Variants in CADM2 observed in about 807,000 individuals in gnomAD.
The protein encoded by CADM2 is immunoglobulin superfamily member 4D.
In CADM2, 12 loss-of-function variants were observed where a neutral mutation model predicts 49.8. The ratio of observed to expected loss-of-function variants is 0.24; its 90% confidence interval spans 0.15 to 0.39. CADM2 has a LOEUF of 0.39. Ranked by LOEUF, CADM2 falls within the 10% of genes least tolerant of loss-of-function variation. The pLI is 1.00. For synonymous variants in CADM2, 214 were observed against 175.4 expected (o/e 1.22, Z -1.74); for missense variants, 378 against 492.3 (o/e 0.77, Z 2.20).
intron 1 of CADM2, among the ~76,000 whole-genome samples, chr3:85,184,444 C>A (rs767087392): frequency 3.9e-5 from 6 of 151,984 alleles, no homozygotes; most frequent in Admixed American, 6.6e-5. Context: ...TGAAAATATG[C>A]AACTTTAAAA....
intron 1 of CADM2, among the ~76,000 whole-genome samples, chr3:85,601,973 G>A (rs2063419961): frequency 6.6e-6 from 1 of 151,714 alleles, no homozygotes; most frequent in Non-Finnish European, 1.5e-5. Context: ...GAAATTCAAA[G>A]CAAATCAAAT....
chr3:85,003,490 G>A (rs1266179011), intron 1 of CADM2, among the ~76,000 whole-genome samples: 1 of 152,026 alleles, frequency 6.6e-6, no homozygotes, highest in East Asian at 1.9e-4. Context: ...TGAAAGATAG[G>A]GATCAAACAG....
chr3:85,501,417 C>G (rs1486903281), intron 1 of CADM2, among the ~76,000 whole-genome samples: 1 of 152,124 alleles, frequency 6.6e-6, no homozygotes, highest in East Asian at 1.9e-4. Flanking sequence ...GGAAAAATAA[C>G]ATTTTTCACA....
intron 2 of CADM2, among the ~76,000 whole-genome samples, chr3:85,788,385 C>G (rs1340224493): frequency 6.6e-6 from 1 of 152,016 alleles, no homozygotes; most frequent in Non-Finnish European, 1.5e-5. Flanking sequence ...TTTGAAATTT[C>G]TTATTACATT....
At chr3:85,321,116 ATTTTTTTTTTTTTTTT>A (rs1157576505) in intron 1 of CADM2, among the ~76,000 whole-genome samples, 22 of 27,470 alleles carry the variant, frequency 8.0e-4, no homozygotes, top group Admixed American at 1.2e-3. Flanking sequence ...ATATATATAT[ATTTTTTTTTTTTTTTT>A]TTTTTTTTTT....
chr3:85,211,147 T>C (rs567540500), intron 1 of CADM2, among the ~76,000 whole-genome samples: 1 of 152,296 alleles, frequency 6.6e-6, no homozygotes, highest in South Asian at 2.1e-4. Flanking sequence ...TACATTTTCA[T>C]TTATAATTCT....
At chr3:85,519,965 C>T (rs2106890736) in intron 1 of CADM2, among the ~76,000 whole-genome samples, 1 of 152,074 alleles carries the variant, frequency 6.6e-6, no homozygotes, top group East Asian at 1.9e-4. Flanking sequence ...TGTTGCAAAA[C>T]AGAATGTGTA....
intron 1 of CADM2, among the ~76,000 whole-genome samples, chr3:85,083,876 T>C (rs1471967043): frequency 6.6e-6 from 1 of 152,112 alleles, no homozygotes; most frequent in Non-Finnish European, 1.5e-5. Context: ...AAAACAGTGT[T>C]AGCATTGAAT....
chr3:85,336,940 A>AAT (rs1379403300), intron 1 of CADM2, among the ~76,000 whole-genome samples: 4 of 51,126 alleles, frequency 7.8e-5, no homozygotes, highest in African/African-American at 1.2e-4. Flanking sequence ...AAATGAACTA[A>AAT]ATATATATAT....
intron 1 of CADM2, among the ~76,000 whole-genome samples, chr3:85,435,395 A>T (rs1169973570): frequency 1.3e-5 from 2 of 151,932 alleles, no homozygotes; most frequent in African/African-American, 4.8e-5. Flanking sequence ...TATGTGCCAC[A>T]TTTTCTTTAT....
intron 3 of CADM2, among the ~76,000 whole-genome samples, chr3:85,813,190 T>A (rs1279900376): frequency 2.0e-5 from 3 of 152,216 alleles, no homozygotes; most frequent in African/African-American, 7.2e-5. Flanking sequence ...TTCCTATTTC[T>A]CCACATCCTC....
rs752954491 is a variant in CADM2, at chr3:85,557,822, A to G, written c.62-168700A>G. On this transcript the variant is annotated intron_variant, in intron 1 of 9. Transcript: ENST00000383699. ...GAGTCCAGTTCTGATCCTGTGCCCT[A>G]TGTGCCATGTCCACAAGACTTGATC... is the stretch of plus-strand genomic sequence containing the variant. 7.2e-5 allele frequency among the ~76,000 whole-genome samples: 11 copies of G among 152,038 alleles called. 1 individual carries two copies. Among genetic ancestry groups the G allele is most frequent in the Non-Finnish European group, 1.5e-4 (10 of 67,922 alleles).
chr3:85,518,857 G>A lies in CADM2; in HGVS notation c.62-207665G>A, dbSNP rs34973382. Among the ~76,000 whole-genome samples, 856 of 152,134 alleles carry A rather than the reference G, an allele frequency of 5.6e-3. 7 individuals carry two copies. Among genetic ancestry groups the A allele is most frequent in the Non-Finnish European group, 8.7e-3 (594 of 67,996 alleles). On this transcript the variant is annotated intron_variant, in intron 1 of 9. Coordinates refer to ENST00000383699, the MANE Select transcript of CADM2 (RefSeq NM_001167675.2). ...TCTTCAATTTAGTCACCTCGGCAAA[G>A]ATTTTTTTCTTATAAAATAACATTT...
At chr3:85,296,649 AG>A (rs1050734168) in intron 1 of CADM2, among the ~76,000 whole-genome samples, 5 of 152,126 alleles carry the variant, frequency 3.3e-5, no homozygotes, top group Admixed American at 3.3e-4. Flanking sequence ...TCATTCCTAC[AG>A]AATAAAATTG....
At chr3:86,025,644 A>G (rs565662419) in intron 8 of CADM2, among the ~76,000 whole-genome samples, 1 of 152,290 alleles carries the variant, frequency 6.6e-6, no homozygotes, top group African/African-American at 2.4e-5. Flanking sequence ...TAAGCTGCTT[A>G]TTAGGAGAAG....
intron 1 of CADM2, among the ~76,000 whole-genome samples, chr3:85,651,931 C>G (rs2065052950): frequency 6.6e-6 from 1 of 150,696 alleles, no homozygotes; most frequent in African/African-American, 2.4e-5. Context: ...CATTCTCTTG[C>G]CTTAGCCTCC....
Position 85,922,460 on chromosome 3 carries a change from C to T in CADM2, c.700+9917C>T, listed in dbSNP as rs1023833058. Among the ~76,000 whole-genome samples, 36 of 151,788 alleles carry T rather than the reference C, an allele frequency of 2.4e-4. 2 individuals carry two copies. Among genetic ancestry groups the T allele is most frequent in the Admixed American group, 2.3e-3 (35 of 15,246 alleles). On this transcript the variant is annotated intron_variant, in intron 6 of 9. Transcript: ENST00000383699. ...GTAATAATAAAAGGAGAGTGAACAACAAATTTTATTAGAACTTTCAATACA... is the reference window on the plus strand; with the variant it reads ...GTAATAATAAAAGGAGAGTGAACAATAAATTTTATTAGAACTTTCAATACA...
At chr3:85,304,358 G>A (rs2107008630) in intron 1 of CADM2, among the ~76,000 whole-genome samples, 1 of 151,774 alleles carries the variant, frequency 6.6e-6, no homozygotes, top group African/African-American at 2.4e-5. Context: ...TAGCATCTTA[G>A]AAAATTCTAG....
At chr3:85,516,697 G>A (rs1358115110) in intron 1 of CADM2, among the ~76,000 whole-genome samples, 2 of 151,814 alleles carry the variant, frequency 1.3e-5, no homozygotes, top group African/African-American at 4.8e-5. Context: ...TCCAATTATA[G>A]GTCTATTATT....
Sources: allele counts gnomAD v4.1 joint callset (sites outside exome capture counted in the v4.1 genomes callset), GRCh38; gene constraint gnomAD v4.1.1; transcripts MANE v1.5; gene names NCBI Gene and HGNC (gene_info 2026-07-23, HGNC 2026-07-21).